NAV3: variants seen among roughly 807,000 people sequenced by gnomAD.
NAV3 encodes the protein neuron navigator 3, also known as pore membrane and/or filament interacting like protein 1.
NAV3 carries 87 observed loss-of-function variants against 244.7 expected under a neutral mutation model. That is an observed-to-expected ratio of 0.36 (90% CI 0.30 to 0.42). NAV3 has a LOEUF of 0.42. Ranked by LOEUF, NAV3 falls within the 20% of genes least tolerant of loss-of-function variation. The probability of loss-of-function intolerance (pLI) is 1.00; values close to 1 mark genes in which losing one functional copy is unlikely to be tolerated. For missense variants in NAV3, 2,663 were observed against 2,893.3 expected (o/e 0.92, Z 1.83); for synonymous variants, 1,126 against 1,042.2 (o/e 1.08, Z -1.55).
chr12:77,747,709 AATG>A (rs1432253382), intron 2 of NAV3, among the ~76,000 whole-genome samples: 2 of 152,244 alleles, frequency 1.3e-5, no homozygotes, highest in Non-Finnish European at 2.9e-5. Flanking sequence ...AGCCATAAAA[AATG>A]ATGAGTTCAT....
At chr12:78,072,941 G>T (rs1952853292) in intron 12 of NAV3, among the ~76,000 whole-genome samples, 1 of 142,780 alleles carries the variant, frequency 7.0e-6, no homozygotes, top group Admixed American at 7.0e-5. Context: ...AAAACCACAT[G>T]ATTATCTCAC....
chr12:77,815,497 G>C lies in NAV3; in HGVS notation c.73-124822G>C, dbSNP rs932533068. ...TTTCTAAATATTTTTGCAGGCTAAG[G>C]GTCTCTACTATGATTAAACAAATTA... On this transcript the variant is annotated intron_variant, in intron 2 of 8. Coordinates refer to the NAV3 transcript ENST00000550042. Among the ~76,000 whole-genome samples, 37 of 152,028 alleles carry C rather than the reference G, an allele frequency of 2.4e-4. 1 individual carries two copies. Among genetic ancestry groups the C allele is most frequent in the Admixed American group, 2.2e-3 (33 of 15,282 alleles).
chr12:77,664,129 G>A (rs1873605253), intron 2 of NAV3, among the ~76,000 whole-genome samples: 1 of 152,140 alleles, frequency 6.6e-6, no homozygotes, highest in Admixed American at 6.5e-5. Context: ...AAATTATTCA[G>A]GTTTTGGCAT....
chr12:77,969,667 A>G (rs1055276206), intron 5 of NAV3, among the ~76,000 whole-genome samples: 1 of 152,154 alleles, frequency 6.6e-6, no homozygotes, highest in Admixed American at 6.5e-5. Flanking sequence ...CAAGATGGTG[A>G]AACCCCATCT....
At chr12:77,950,215 G>T (rs1044102113) in intron 3 of NAV3, among the ~76,000 whole-genome samples, 2 of 152,006 alleles carry the variant, frequency 1.3e-5, no homozygotes, top group African/African-American at 2.4e-5. Flanking sequence ...CATTTGTTTA[G>T]TTTTATAAGA....
At chr12:77,642,671 C>T (rs542376516) in intron 2 of NAV3, among the ~76,000 whole-genome samples, 1 of 151,972 alleles carries the variant, frequency 6.6e-6, no homozygotes, top group South Asian at 2.1e-4. Flanking sequence ...AAAAGAAACT[C>T]CTCCAGAAGG....
intron 3 of NAV3, among the ~76,000 whole-genome samples, chr12:77,954,886 T>G (rs1891223833): frequency 6.6e-6 from 1 of 152,222 alleles, no homozygotes; most frequent in Admixed American, 6.5e-5. Context: ...ATGTACTGTG[T>G]GGTCATTTAA....
intron 7 of NAV3, among the ~76,000 whole-genome samples, chr12:78,003,843 A>C (rs1355187813): frequency 2.0e-5 from 3 of 152,228 alleles, no homozygotes; most frequent in Non-Finnish European, 4.4e-5. Flanking sequence ...ACATCAACTC[A>C]GAGGAACAGG....
intron 2 of NAV3, among the ~76,000 whole-genome samples, chr12:77,785,753 CATG>C (rs1870876507): frequency 1.3e-5 from 2 of 152,142 alleles, no homozygotes; most frequent in African/African-American, 4.8e-5. Context: ...CTGCCTGCTT[CATG>C]GTCTTTCTCA....
intron 2 of NAV3, among the ~76,000 whole-genome samples, chr12:77,782,434 T>A (rs1870712414): frequency 6.6e-6 from 1 of 152,090 alleles, no homozygotes; most frequent in African/African-American, 2.4e-5. Flanking sequence ...ATAACCATGA[T>A]CACATTAGTT....
intron 23 of NAV3, among the ~76,000 whole-genome samples, chr12:78,165,699 A>G (rs1957751967): frequency 6.6e-6 from 1 of 151,846 alleles, no homozygotes. Flanking sequence ...TGAACAACTA[A>G]CCATAATTAT....
At chr12:77,918,442 C>T (rs572827148) in intron 1 of NAV3, among the ~76,000 whole-genome samples, 1 of 152,090 alleles carries the variant, frequency 6.6e-6, no homozygotes, top group Non-Finnish European at 1.5e-5. Flanking sequence ...CACACCCACA[C>T]CTAGCATAGT....
At chr12:78,187,714 A>G (rs1253186414) in intron 31 of NAV3, among the ~76,000 whole-genome samples, 2 of 151,940 alleles carry the variant, frequency 1.3e-5, no homozygotes, top group African/African-American at 2.4e-5. Flanking sequence ...CAAATACCTT[A>G]TATTATCATA....
At chr12:77,964,564 T>A (rs1892346832) in intron 3 of NAV3, among the ~76,000 whole-genome samples, 1 of 152,160 alleles carries the variant, frequency 6.6e-6, no homozygotes, top group Admixed American at 6.5e-5. Context: ...CCTCATTTCT[T>A]GTTATTGTTC....
chr12:77,857,866 T>C (rs554290013), intron 1 of NAV3, among the ~76,000 whole-genome samples: 35 of 152,150 alleles, frequency 2.3e-4, no homozygotes, highest in African/African-American at 8.2e-4. Context: ...GAATTTGTTA[T>C]GTTTTTATGA....
At position 78,119,178 on chromosome 12, in the gene NAV3, G is replaced by C. The variant is rs549220542; in HGVS notation, c.3041-59G>C. On this transcript the variant is annotated intron_variant, in intron 14 of 39. Transcript: ENST00000397909. ...ATTCACATTTTACACATTGTTTCAC[G>C]AAGTGTGGTGATATCAAACTCTACA... 4.2e-6 allele frequency: 6 copies of C among 1,416,318 alleles called. No homozygotes were observed. In the Admixed American group the frequency reaches 1.3e-4, roughly 31 times the overall value. 87.7% of individuals were successfully genotyped at this position (1,416,318 alleles called of 1,614,324 possible).
chr12:77,831,535 C>T lies in NAV3; in HGVS notation c.74C>T (p.Pro25Leu), dbSNP rs776928962. Residue 25 changes from proline to leucine, a missense_variant, in exon 1 of 40, where the codon CCG (proline) becomes CTG (leucine). This residue lies in a region of NAV3 where 1,521 missense variants were observed against 1,497.0 expected (regional missense o/e 1.02). Transcript: ENST00000397909. Reference protein sequence around the residue: ...VGSKPVHTALPIPNLGTTGSQ... With the variant: ...VGSKPVHTALLIPNLGTTGSQ... ...TCAAAGCCTGTGCATACTGCTCTTC[C>T]GATACCAAATCTTGGCACTACTGGG... is the stretch of plus-strand genomic sequence containing the variant. 2.9e-5 allele frequency: 46 copies of T among 1,613,946 alleles called. No homozygotes were observed. The highest frequency in any genetic ancestry group is 2.2e-4 in the East Asian group (10 of 44,878).
chr12:77,636,997 G>T (rs1014653833), intron 2 of NAV3, among the ~76,000 whole-genome samples: 2 of 151,930 alleles, frequency 1.3e-5, no homozygotes, highest in Non-Finnish European at 2.9e-5. Flanking sequence ...TTGGGGGGTG[G>T]GGTCTTAGGA....
chr12:77,865,188 AATTT>A (rs1366067937), intron 1 of NAV3, among the ~76,000 whole-genome samples: 1 of 152,078 alleles, frequency 6.6e-6, no homozygotes, highest in East Asian at 1.9e-4. Flanking sequence ...GTTTTACTAA[AATTT>A]ATTCATTCTA....
Sources: allele counts gnomAD v4.1 joint callset (sites outside exome capture counted in the v4.1 genomes callset), GRCh38; gene constraint gnomAD v4.1.1; regional missense constraint gnomAD v4.1.1; transcripts MANE v1.5; gene names NCBI Gene and HGNC (gene_info 2026-07-23, HGNC 2026-07-21).